The following MAP2K5 variants were observed in gnomAD, a reference collection of about 807,000 sequenced individuals.
The protein encoded by MAP2K5 is mitogen-activated protein kinase kinase 5, also known as dual specificity mitogen-activated protein kinase kinase 5.
Under a neutral mutation model 83.1 loss-of-function variants are expected in MAP2K5, and 49 were observed. The observed-to-expected ratio is 0.59, with a 90% CI of 0.47 to 0.75. The LOEUF is 0.75. MAP2K5 is among the 30% of genes least tolerant of loss of function. The pLI is 0.00. For missense variants in MAP2K5, 457 were observed against 557.5 expected (o/e 0.82, Z 1.82); for synonymous variants, 202 against 191.8 (o/e 1.05, Z -0.44).
At position 67,794,011 on chromosome 15, in the gene MAP2K5, A is replaced by AGCTT. The variant is rs1659494424; in HGVS notation, c.1243-12632_1243-12629dup. Among the ~76,000 whole-genome samples the AGCTT allele has an allele frequency of 6.6e-6, 1 of 152,322 alleles. No individual in the cohort carries two copies. Among genetic ancestry groups the AGCTT allele is most frequent in the Admixed American group, 6.5e-5 (1 of 15,304 alleles). On this transcript the variant is annotated intron_variant, in intron 21 of 21. Transcript: ENST00000178640. The surrounding 1 kb of genome is among the most constrained non-coding windows in gnomAD (Gnocchi z 4.6). ...ATAGACACAGCTACCATTAGAAGGA[A>AGCTT]GCTTGCAACTGAATAACTTGTCTTT... is the stretch of plus-strand genomic sequence containing the variant.
chr15:67,696,052 A>G (rs1567366979), intron 15 of MAP2K5, among the ~76,000 whole-genome samples: 1 of 151,478 alleles, frequency 6.6e-6, no homozygotes, highest in Non-Finnish European at 1.5e-5. Context: ...GGTGGAAATA[A>G]CCTATATTAT....
At chr15:67,569,005 C>CAAAAAAAAAAAAAAAAAA (rs71142380) in intron 3 of MAP2K5, among the ~76,000 whole-genome samples, 6 of 91,206 alleles carry the variant, frequency 6.6e-5, no homozygotes, top group African/African-American at 2.1e-4. Context: ...GACTCCATCT[C>CAAAAAAAAAAAAAAAAAA]AAAAAAAAAA....
chr15:67,548,416 C>T (rs148042858), intron 1 of MAP2K5, among the ~76,000 whole-genome samples: 33 of 152,328 alleles, frequency 2.2e-4, no homozygotes, highest in Non-Finnish European at 4.4e-4. Flanking sequence ...AAGTTTATTA[C>T]GAAGTAAGCT....
Position 67,664,589 on chromosome 15 carries a change from A to G in MAP2K5, c.799-8A>G, listed in dbSNP as rs1311593891. On this transcript the variant is annotated splice_region_variant and splice_polypyrimidine_tract_variant and intron_variant, in intron 12 of 21. Transcript: ENST00000178640. Reference sequence around the variant, plus strand: ...ATAATTGTACTGTTTTCTTTTTCCTAAATTTAGGTTGTTAAAGGCCTTACT... The same window carrying G: ...ATAATTGTACTGTTTTCTTTTTCCTGAATTTAGGTTGTTAAAGGCCTTACT... 1 of 1,520,108 alleles carries G rather than the reference A, an allele frequency of 6.6e-7. No homozygotes were observed. The highest frequency in any genetic ancestry group is 1.4e-5 in the African/African-American group (1 of 72,684). The allele number at this position is 1,520,108 out of a possible 1,614,324, so 94.2% of individuals were successfully genotyped here.
rs1445590824 is a variant in MAP2K5 at position 67,764,412 on chromosome 15, C to T, written c.1135-5190C>T. 6.6e-6 allele frequency among the ~76,000 whole-genome samples: 1 copy of T among 152,190 alleles called. No individual in the cohort carries two copies. Among genetic ancestry groups the T allele is most frequent in the East Asian group, 1.9e-4 (1 of 5,182 alleles). ...CTTTTACTTTATGCCCCATGACCCT[C>T]GTTTGTGAACTCGCGTCTGCCAGCC... is the stretch of plus-strand genomic sequence containing the variant. On this transcript the variant is annotated intron_variant, in intron 19 of 21. Transcript: ENST00000178640. This position sits in a 1 kb window ranked among gnomAD's most constrained non-coding sequence, Gnocchi z 4.9.
At chr15:67,670,448 G>C in intron 13 of MAP2K5, 1 of 455,782 alleles carries the variant, frequency 2.2e-6, no homozygotes, top group Non-Finnish European at 4.4e-6. Flanking sequence ...CCTGAAAAGG[G>C]TGAGTGAATT....
intron 11 of MAP2K5, among the ~76,000 whole-genome samples, chr15:67,646,718 C>G (rs532060034): frequency 2.0e-5 from 3 of 152,110 alleles, no homozygotes; most frequent in Non-Finnish European, 2.9e-5. Context: ...AAATGCTAGT[C>G]TAATTGGTGG....
In MAP2K5 at chr15:67,690,618, C is replaced by G. The variant is rs1419834436; in HGVS notation, c.848-1861C>G. On this transcript the variant is annotated intron_variant, in intron 13 of 21. Coordinates refer to ENST00000178640, the MANE Select transcript of MAP2K5 (RefSeq NM_145160.3). This position sits in a 1 kb window ranked among gnomAD's most constrained non-coding sequence, Gnocchi z 4.3. ...GCACCATCTCAGCTCACTGCAACCT[C>G]TGTTTCCCAGGTTGAAGCAATTCTC... Among the ~76,000 whole-genome samples the G allele has an allele frequency of 6.6e-6, 1 of 151,444 alleles. No homozygotes were observed. Among genetic ancestry groups the G allele is most frequent in the Admixed American group, 6.6e-5 (1 of 15,220 alleles).
chr15:67,776,797 G>C (rs1037700625), intron 21 of MAP2K5, among the ~76,000 whole-genome samples: 10 of 152,142 alleles, frequency 6.6e-5, no homozygotes, highest in Non-Finnish European at 1.5e-4. Context: ...TGGTAGCTAA[G>C]GTCAGGATGT....
chr15:67,807,100 T>A lies in MAP2K5; in HGVS notation c.*350T>A. ...GCATCACTGATGGGAATAAAAGTAT[T>A]AATGCTTTGTGACAGCCTCTGCCAT... On this transcript the variant is annotated 3_prime_UTR_variant, in exon 22 of 22. Transcript: ENST00000178640. This position sits in a 1 kb window ranked among gnomAD's most constrained non-coding sequence, Gnocchi z 5.1. The A allele has an allele frequency of 3.3e-6, 2 of 607,386 alleles. No individual in the cohort carries two copies. Among genetic ancestry groups the A allele is most frequent in the Non-Finnish European group, 5.0e-6 (2 of 402,558 alleles). 37.6% of individuals were successfully genotyped at this position (607,386 alleles called of 1,614,324 possible).
At chr15:67,641,675 C>T in intron 9 of MAP2K5, 1 of 935,828 alleles carries the variant, frequency 1.1e-6, no homozygotes. Context: ...CAGTTTCTCA[C>T]TTAACCCTTT....
intron 21 of MAP2K5, among the ~76,000 whole-genome samples, chr15:67,805,369 C>T (rs778994428): frequency 1.2e-4 from 18 of 152,262 alleles, no homozygotes; most frequent in Non-Finnish European, 2.5e-4. Context: ...GTCCCCTGCT[C>T]TACCCAGGCC....
chr15:67,582,572 C>A (rs1398741521), intron 4 of MAP2K5, among the ~76,000 whole-genome samples: 1 of 152,094 alleles, frequency 6.6e-6, no homozygotes, highest in Non-Finnish European at 1.5e-5. Flanking sequence ...GTAATCTCAG[C>A]ACTTTGGGAA....
chr15:67,666,526 T>C (rs1027934737), intron 13 of MAP2K5, among the ~76,000 whole-genome samples: 1 of 152,176 alleles, frequency 6.6e-6, no homozygotes, highest in African/African-American at 2.4e-5. Flanking sequence ...TCATGATCAC[T>C]GTGGCCAAGC....
In MAP2K5 at chr15:67,652,618, T is replaced by C. The variant is rs1475018800; in HGVS notation, c.737-5935T>C. Among the ~76,000 whole-genome samples the C allele has an allele frequency of 2.0e-5, 3 of 152,188 alleles. No individual in the cohort carries two copies. Among genetic ancestry groups the C allele is most frequent in the African/African-American group, 4.8e-5 (2 of 41,458 alleles). ...CCATCTTCAACATTGGGAGTGAGAT[T>C]TCAACATGAGTTTTGAAGGGGACAA... On this transcript the variant is annotated intron_variant, in intron 11 of 21. Coordinates refer to ENST00000178640, the MANE Select transcript of MAP2K5 (RefSeq NM_145160.3). The surrounding 1 kb of genome is among the most constrained non-coding windows in gnomAD (Gnocchi z 4.2).
At chr15:67,585,060 A>G (rs2085260456) in intron 4 of MAP2K5, among the ~76,000 whole-genome samples, 1 of 136,234 alleles carries the variant, frequency 7.3e-6, no homozygotes, top group Non-Finnish European at 1.6e-5. Flanking sequence ...AACGACATGT[A>G]CATCTGAGAG....
chr15:67,804,171 C>T (rs553976522), intron 21 of MAP2K5, among the ~76,000 whole-genome samples: 56 of 152,344 alleles, frequency 3.7e-4, no homozygotes, highest in African/African-American at 1.3e-3. Flanking sequence ...TGGACAGCAC[C>T]TCCTGCTCTC....
intron 19 of MAP2K5, among the ~76,000 whole-genome samples, chr15:67,765,800 C>A (rs1461001088): frequency 1.3e-5 from 2 of 152,056 alleles, no homozygotes; most frequent in Non-Finnish European, 2.9e-5. Context: ...TTTTTTTATG[C>A]CTGAGTACCT....
Position 67,565,840 on chromosome 15 carries a change from C to G in MAP2K5, c.252+2490C>G, listed in dbSNP as rs925491882. Among the ~76,000 whole-genome samples, 3 of 151,246 alleles carry G rather than the reference C, an allele frequency of 2.0e-5. No homozygotes were observed. Among genetic ancestry groups the G allele is most frequent in the African/African-American group, 7.3e-5 (3 of 41,164 alleles). The stretch of plus-strand genomic sequence containing the variant: ...GCCCAGGTTGGCCTCAAACTCCTGG[C>G]CTCAAGTGGTCCTCCTGCCTCAGCC... On this transcript the variant is annotated intron_variant, in intron 3 of 21. Coordinates refer to ENST00000178640, the MANE Select transcript of MAP2K5 (RefSeq NM_145160.3). The surrounding 1 kb of genome is among the most constrained non-coding windows in gnomAD (Gnocchi z 4.1).
Sources: allele counts gnomAD v4.1 joint callset (sites outside exome capture counted in the v4.1 genomes callset), GRCh38; gene constraint gnomAD v4.1.1; non-coding constraint Gnocchi (gnomAD v3.1); transcripts MANE v1.5; gene names NCBI Gene and HGNC (gene_info 2026-07-23, HGNC 2026-07-21).